The following ENPP6 variants were observed in gnomAD, a reference collection of about 807,000 sequenced individuals.
ENPP6 encodes ectonucleotide pyrophosphatase/phosphodiesterase 6.
ENPP6 carries 32 observed loss-of-function variants against 42.0 expected under a neutral mutation model. The observed-to-expected ratio is 0.76, with a 90% CI of 0.58 to 1.02. ENPP6 has a LOEUF of 1.02. Ranked by LOEUF, ENPP6 falls within the 50% of genes least tolerant of loss-of-function variation. ENPP6 has a pLI of 0.00. For synonymous variants in ENPP6, 213 were observed against 216.0 expected, an observed-to-expected ratio of 0.99 and a Z score of 0.12; for missense variants, 552 against 566.8, an observed-to-expected ratio of 0.97 and a Z score of 0.27.
At chr4:184,198,193 A>G (rs750668126) in intron 1 of ENPP6, among the ~76,000 whole-genome samples, 6 of 152,212 alleles carry the variant, frequency 3.9e-5, no homozygotes, top group Non-Finnish European at 8.8e-5. Flanking sequence ...AAGATGGGGA[A>G]CCCAAGGCTT....
chr4:184,120,721 C>T (rs918803142), intron 3 of ENPP6, among the ~76,000 whole-genome samples: 3 of 152,202 alleles, frequency 2.0e-5, no homozygotes, highest in Admixed American at 6.5e-5. Flanking sequence ...GCAGACTGCC[C>T]ATGTGTGGTG....
At chr4:184,165,354 G>A (rs1402169754) in intron 1 of ENPP6, among the ~76,000 whole-genome samples, 1 of 152,176 alleles carries the variant, frequency 6.6e-6, no homozygotes, top group African/African-American at 2.4e-5. Flanking sequence ...GAGTGAGGAG[G>A]CTGGAGCCGC....
intron 1 of ENPP6, among the ~76,000 whole-genome samples, chr4:184,157,551 TTCTC>T (rs1404332234): frequency 4.7e-5 from 7 of 148,950 alleles, no homozygotes; most frequent in African/African-American, 1.3e-4. Context: ...TTTCTTTCCT[TTCTC>T]TCTTTCTTTC....
chr4:184,156,451 G>C (rs1026434682), intron 1 of ENPP6, among the ~76,000 whole-genome samples: 9 of 152,136 alleles, frequency 5.9e-5, no homozygotes, highest in Non-Finnish European at 1.3e-4. Context: ...TGCAGCCCAC[G>C]AGCTCTCATC....
Position 184,106,096 on chromosome 4 carries a change from G to A in ENPP6, c.993+6576C>T, listed in dbSNP as rs1163684003. Among the ~76,000 whole-genome samples, 11 of 150,158 alleles carry A rather than the reference G, an allele frequency of 7.3e-5. No homozygotes were observed. The East Asian group carries it at 9.9e-4, about 14-fold the overall frequency. On this transcript the variant is annotated intron_variant, in intron 6 of 7. Coordinates refer to ENST00000296741, the MANE Select transcript of ENPP6 (RefSeq NM_153343.4). ...CTGTCTCCAGCTGGAGTGCAGTGGC[G>A]CAGTCTTGGCTCCCTGAAACTGCCA...
intron 1 of ENPP6, among the ~76,000 whole-genome samples, chr4:184,198,794 G>A (rs996322935): frequency 7.2e-5 from 11 of 152,164 alleles, no homozygotes; most frequent in African/African-American, 2.7e-4. Flanking sequence ...TTGCAAATAG[G>A]TAAGTAATCC....
chr4:184,127,634 G>A (rs1252371674), intron 2 of ENPP6, among the ~76,000 whole-genome samples: 1 of 152,204 alleles, frequency 6.6e-6, no homozygotes, highest in Admixed American at 6.5e-5. Context: ...CTGTGTGCCT[G>A]TATTCCCAGC....
chr4:184,162,085 C>A (rs576196530), intron 1 of ENPP6, among the ~76,000 whole-genome samples: 24 of 152,094 alleles, frequency 1.6e-4, no homozygotes, highest in African/African-American at 5.5e-4. Context: ...CAACTGCCCC[C>A]CTCCCCGCAT....
intron 1 of ENPP6, among the ~76,000 whole-genome samples, chr4:184,159,565 G>C (rs924940879): frequency 5.9e-5 from 9 of 152,134 alleles, no homozygotes; most frequent in South Asian, 2.1e-4. Context: ...CTACAATTAG[G>C]GTTGCCAGAT....
chr4:184,207,901 C>T (rs1733026847), intron 1 of ENPP6, among the ~76,000 whole-genome samples: 1 of 152,210 alleles, frequency 6.6e-6, no homozygotes, highest in African/African-American at 2.4e-5. Flanking sequence ...CCTGCGAGGG[C>T]CGCCTTGCTG....
At chr4:184,115,668 C>T (rs559878382) in intron 5 of ENPP6, among the ~76,000 whole-genome samples, 2 of 152,300 alleles carry the variant, frequency 1.3e-5, no homozygotes, top group South Asian at 2.1e-4. Flanking sequence ...ACCATGCTCA[C>T]GTACAGGGAG....
At position 184,217,299 on chromosome 4, in the gene ENPP6, G is replaced by A. The variant is rs914670294; in HGVS notation, c.241+280C>T. 2.0e-5 allele frequency among the ~76,000 whole-genome samples: 3 copies of A among 152,016 alleles called. No individual in the cohort carries two copies. In the East Asian group the frequency reaches 5.8e-4, roughly 29 times the overall value. On this transcript the variant is annotated intron_variant, in intron 1 of 7. Coordinates refer to ENST00000296741, the MANE Select transcript of ENPP6 (RefSeq NM_153343.4). ...TAGAATTTCTCTTTCTAAAATAAAC[G>A]ACCACTTTTAATATCGTCAAATATC... is the stretch of plus-strand genomic sequence containing the variant.
intron 2 of ENPP6, among the ~76,000 whole-genome samples, chr4:184,152,336 G>A (rs569230152): frequency 2.6e-5 from 4 of 152,176 alleles, no homozygotes; most frequent in Admixed American, 2.0e-4. Context: ...GAAGGCCCAC[G>A]CAATCCTTGT....
chr4:184,148,050 A>G (rs958562360), intron 2 of ENPP6, among the ~76,000 whole-genome samples: 1 of 152,192 alleles, frequency 6.6e-6, no homozygotes, highest in Non-Finnish European at 1.5e-5. Context: ...TAGACTCCTT[A>G]TTAGATGATG....
At chr4:184,158,435 T>C (rs1451508042) in intron 1 of ENPP6, among the ~76,000 whole-genome samples, 2 of 152,196 alleles carry the variant, frequency 1.3e-5, no homozygotes, top group East Asian at 3.8e-4. Context: ...GATTGTTCTG[T>C]GACACTTAAA....
intron 1 of ENPP6, among the ~76,000 whole-genome samples, chr4:184,205,795 G>A (rs1732986609): frequency 6.6e-6 from 1 of 152,182 alleles, no homozygotes; most frequent in Admixed American, 6.5e-5. Context: ...GCTGAGGATC[G>A]ACCTTGAAAG....
intron 1 of ENPP6, among the ~76,000 whole-genome samples, chr4:184,194,844 G>A (rs994496727): frequency 2.0e-5 from 3 of 152,158 alleles, no homozygotes; most frequent in African/African-American, 7.2e-5. Context: ...CTGGCACATG[G>A]GCGTTTGGTG....
chr4:184,107,770 C>T (rs972213895), intron 6 of ENPP6, among the ~76,000 whole-genome samples: 1 of 152,024 alleles, frequency 6.6e-6, no homozygotes, highest in African/African-American at 2.4e-5. Context: ...AAAAAATTAG[C>T]CGGGCGTGGT....
At chr4:184,155,281 C>A (rs1231889560) in intron 1 of ENPP6, among the ~76,000 whole-genome samples, 2 of 152,180 alleles carry the variant, frequency 1.3e-5, no homozygotes, top group Non-Finnish European at 2.9e-5. Context: ...AAGTACTTAT[C>A]TATTTCCTTT....
Sources: gnomAD v4.1 joint callset for allele counts (sites outside exome capture counted in the v4.1 genomes callset) on GRCh38, gnomAD v4.1.1 for gene constraint, MANE v1.5 for transcripts, NCBI Gene and HGNC (gene_info 2026-07-23, HGNC 2026-07-21) for gene names.